Variants in SCN3A observed in about 807,000 individuals in gnomAD.
SCN3A encodes sodium channel protein type 3 subunit alpha.
In SCN3A, 60 loss-of-function variants were observed where a neutral mutation model predicts 187.6. The observed-to-expected ratio is 0.32, with a 90% CI of 0.26 to 0.40. The LOEUF is 0.40. SCN3A is among the 10% of genes least tolerant of loss of function. The pLI, the probability that SCN3A is intolerant of heterozygous loss-of-function variation, is 1.00. For synonymous variants in SCN3A, 788 were observed against 829.2 expected (o/e 0.95, Z 0.85); for missense variants, 1,601 against 2,428.2 (o/e 0.66, Z 7.16).
At chr2:165,100,885 C>T (rs532500413) in intron 21 of SCN3A, among the ~76,000 whole-genome samples, 4 of 152,150 alleles carry the variant, frequency 2.6e-5, no homozygotes, top group South Asian at 2.1e-4. Flanking sequence ...CTTTCCAGAT[C>T]GTATACGTTT....
chr2:165,161,137 C>CGTTTTTTTTT (rs1689349882), intron 9 of SCN3A, among the ~76,000 whole-genome samples: 1 of 93,368 alleles, frequency 1.1e-5, no homozygotes, highest in Non-Finnish European at 2.2e-5. Flanking sequence ...TTCTTTCTTT[C>CGTTTTTTTTT]TTTTTTTTTT....
chr2:165,186,745 T>C lies in SCN3A; in HGVS notation c.-245A>G, dbSNP rs1007636932. 1 of 152,154 alleles carries C rather than the reference T, an allele frequency of 6.6e-6. No homozygotes were observed. Among genetic ancestry groups the C allele is most frequent in the African/African-American group, 2.4e-5 (1 of 41,440 alleles). The allele number at this position is 152,154 out of a possible 1,614,324, so 9.4% of individuals were successfully genotyped here. On this transcript the variant is annotated splice_region_variant and 5_prime_UTR_variant, in exon 2 of 28. Coordinates refer to ENST00000283254, the MANE Select transcript of SCN3A (RefSeq NM_006922.4). ...TGGCTTCAGTTTTCTTGCTCCATAA[T>C]CTCTGTAGAAAGAGAATACAGGTGA...
At chr2:165,096,888 A>G (rs1459357132) in intron 23 of SCN3A, among the ~76,000 whole-genome samples, 1 of 152,176 alleles carries the variant, frequency 6.6e-6, no homozygotes, top group Non-Finnish European at 1.5e-5. Context: ...TATCTGGCTA[A>G]TAATTTATAC....
intron 7 of SCN3A, 118 bp downstream of exon 7, chr2:165,163,500 G>GT: frequency 8.6e-7 from 1 of 1,162,302 alleles, no homozygotes; most frequent in South Asian, 1.3e-5. Context: ...AACATCATTT[G>GT]GCATTATTTA....
chr2:165,198,166 C>A (rs763205268), intron 1 of SCN3A, among the ~76,000 whole-genome samples: 1 of 149,890 alleles, frequency 6.7e-6, no homozygotes, highest in Non-Finnish European at 1.5e-5. Context: ...TCACTAGCAA[C>A]AGAAAATAGC....
intron 12 of SCN3A, among the ~76,000 whole-genome samples, chr2:165,142,304 C>T (rs1219198028): frequency 6.6e-6 from 1 of 152,116 alleles, no homozygotes; most frequent in Non-Finnish European, 1.5e-5. Flanking sequence ...TTCTTGGTTC[C>T]TCTGCCTAAT....
chr2:165,139,770 TA>T (rs371467759), intron 13 of SCN3A, 162 bp from the exon 14 acceptor site: 19,619 of 792,048 alleles, frequency 0.025, 325 homozygotes, highest in East Asian at 0.11. Flanking sequence ...GTTTTTTTTT[TA>T]AAAAAAAGTT....
rs3754960 is a variant in SCN3A at position 165,170,677 on chromosome 2, T to A, written c.265-129A>T. 0.19 allele frequency: 120,138 copies of A among 641,472 alleles called. 15,428 individuals carry two copies. Among genetic ancestry groups the A allele is most frequent in the East Asian group, 0.48 (17,502 of 36,522 alleles). The allele number at this position is 641,472 out of a possible 1,614,324, so 39.7% of individuals were successfully genotyped here. A position where few individuals can be genotyped will look rare whatever the true frequency, so the allele number is the denominator to read the frequency against. ...ACTTGTTTGTTTAAACCAGTTGATA[T>A]ATCATAACTACAAACATGTTAGATG... On this transcript the variant is annotated intron_variant, in intron 3 of 27. Transcript: ENST00000283254.
chr2:165,128,267 C>T (rs1186020154), intron 17 of SCN3A, among the ~76,000 whole-genome samples, 166 bp from the exon 18 acceptor site: 2 of 152,054 alleles, frequency 1.3e-5, no homozygotes, highest in East Asian at 3.9e-4. Flanking sequence ...CTTTAAAGGA[C>T]CTAATATCCT....
intron 21 of SCN3A, among the ~76,000 whole-genome samples, chr2:165,104,551 GA>G (rs562278618): frequency 5.6e-4 from 77 of 136,848 alleles, no homozygotes; most frequent in Middle Eastern, 3.8e-3. Context: ...CTAAAAAACT[GA>G]AAAAAAAAAG....
chr2:165,146,573 T>A (rs1215037820), intron 12 of SCN3A, among the ~76,000 whole-genome samples, 166 bp downstream of exon 12: 1 of 151,274 alleles, frequency 6.6e-6, no homozygotes, highest in Non-Finnish European at 1.5e-5. Flanking sequence ...TTAATAAAAA[T>A]CCCTTTGAAG....
chr2:165,095,428 T>A, intron 25 of SCN3A, 83 bp downstream of exon 25: 1 of 1,377,898 alleles, frequency 7.3e-7, no homozygotes, highest in Non-Finnish European at 1.0e-6. Context: ...AAGTCTGTCA[T>A]GACCACAGGT....
In SCN3A at chr2:165,094,352, AAAG is replaced by A; in HGVS notation, c.4536+19_4536+21del. ...TATGGACGCATGGCTTTGGAACATTAAAGGAGACAAGTAATTCTTACTGCTGGG... is the reference window on the plus strand; with the variant it reads ...TATGGACGCATGGCTTTGGAACATTAGAGACAAGTAATTCTTACTGCTGGG... On this transcript the variant is annotated intron_variant, in intron 26 of 27. Coordinates refer to ENST00000283254, the MANE Select transcript of SCN3A (RefSeq NM_006922.4). 1 of 1,554,440 alleles carries A rather than the reference AAAG, an allele frequency of 6.4e-7. No homozygotes were observed. The highest frequency in any genetic ancestry group is 8.9e-7 in the Non-Finnish European group (1 of 1,125,678).
At chr2:165,149,759 C>T (rs1406865347) in intron 11 of SCN3A, among the ~76,000 whole-genome samples, 1 of 152,172 alleles carries the variant, frequency 6.6e-6, no homozygotes, top group Non-Finnish European at 1.5e-5. Context: ...ACTTTCACAG[C>T]CAACTTGCTG....
intron 1 of SCN3A, among the ~76,000 whole-genome samples, chr2:165,195,762 G>A (rs1472866052): frequency 2.0e-5 from 3 of 152,052 alleles, no homozygotes; most frequent in African/African-American, 4.8e-5. Flanking sequence ...TTAAGATACT[G>A]AGTAGAAAAC....
At chr2:165,130,935 A>G (rs906128372) in intron 16 of SCN3A, among the ~76,000 whole-genome samples, 1 of 152,062 alleles carries the variant, frequency 6.6e-6, no homozygotes, top group Non-Finnish European at 1.5e-5. Flanking sequence ...CTGGGGTCTA[A>G]ATTTTTATTT....
chr2:165,162,431 G>A (rs1689465010), intron 8 of SCN3A, 60 bp from the exon 9 acceptor site: 1 of 1,588,396 alleles, frequency 6.3e-7, no homozygotes, highest in African/African-American at 1.3e-5. Context: ...ATTAGTATTA[G>A]TAATAAATCA....
At chr2:165,094,107 A>G (rs1169116240) in intron 26 of SCN3A, 1 of 460,460 alleles carries the variant, frequency 2.2e-6, no homozygotes, top group Non-Finnish European at 3.9e-6. Flanking sequence ...GGTAGCAGGA[A>G]AGTGAACCTT....
chr2:165,162,962 A>G, intron 7 of SCN3A, 134 bp from the exon 8 acceptor site: 1 of 1,056,238 alleles, frequency 9.5e-7, no homozygotes, highest in Non-Finnish European at 1.5e-6. Flanking sequence ...GGATAGCCTG[A>G]TGATTTGGGA....
Sources: allele counts gnomAD v4.1 joint callset (sites outside exome capture counted in the v4.1 genomes callset), GRCh38; gene constraint gnomAD v4.1.1; transcripts MANE v1.5; gene names NCBI Gene and HGNC (gene_info 2026-07-23, HGNC 2026-07-21).